HES5: variants seen among roughly 807,000 people sequenced by gnomAD.
HES5 encodes the protein hes family bHLH transcription factor 5.
HES5 carries 12 observed loss-of-function variants against 9.6 expected under a neutral mutation model. The ratio of observed to expected loss-of-function variants is 1.25; its 90% CI spans 0.80 to 2.03. The LOEUF (loss-of-function observed/expected upper bound fraction) is 2.03. HES5 is among the 30% of genes most tolerant of loss of function. The probability of loss-of-function intolerance (pLI) is 0.00; values close to 1 mark genes in which losing one functional copy is unlikely to be tolerated. For synonymous variants in HES5, 131 were observed against 102.4 expected, an observed-to-expected ratio of 1.28 and a Z score of -1.69; for missense variants, 255 against 218.6, an observed-to-expected ratio of 1.17 and a Z score of -1.05.
intron 1 of HES5, 38 bp from the exon 2 acceptor site, chr1:2,530,049 C>T (rs771466596): frequency 2.6e-5 from 42 of 1,602,064 alleles, no homozygotes; most frequent in Non-Finnish European, 3.6e-5. Flanking sequence ...CCCGGCACGG[C>T]GCAGGGACCC....
Position 2,529,562 on chromosome 1 carries a change from C to A in HES5, c.408G>T (p.Pro136=). 9.2e-7 allele frequency: 1 copy of A among 1,091,758 alleles called. No homozygotes were observed. Among genetic ancestry groups the A allele is most frequent in the Non-Finnish European group, 1.1e-6 (1 of 893,706 alleles). The allele number at this position is 1,091,758 out of a possible 1,614,324, so 67.6% of individuals were successfully genotyped here. The part of the protein sequence containing the change: ...PAAPAKEPKA[P]GAAPPPALSA... ...AGAGCGCGGGCGGGGGCGCGGCGCC[C>A]GGCGCCTTGGGCTCCTTGGCGGGCG... Residue 136 remains proline, a synonymous_variant, in exon 3 of 3, where the codon CCG becomes CCT. Coordinates refer to ENST00000378453, the MANE Select transcript of HES5 (RefSeq NM_001010926.4). The surrounding 1 kb of genome is among the most constrained non-coding windows in gnomAD (Gnocchi z 4.5).
In HES5 at chr1:2,529,582, C is replaced by A. The variant is rs1483311413; in HGVS notation, c.388G>T (p.Ala130Ser). 3.5e-6 allele frequency: 4 copies of A among 1,147,280 alleles called. No individual in the cohort carries two copies. Among genetic ancestry groups the A allele is most frequent in the Admixed American group, 4.6e-5 (1 of 21,584 alleles). 71.1% of individuals were successfully genotyped at this position (1,147,280 alleles called of 1,614,324 possible). The part of the protein sequence containing the change: ...QRPPAAPAAP[A>S]KEPKAPGAAP... Reference sequence around the variant, plus strand: ...GCGCCCGGCGCCTTGGGCTCCTTGGCGGGCGCGGCGGGCGCGGCCGGGGGC... The same window carrying A: ...GCGCCCGGCGCCTTGGGCTCCTTGGAGGGCGCGGCGGGCGCGGCCGGGGGC... The change falls in exon 3 of 3, where the codon GCC becomes TCC. Residue 130 changes from alanine to serine, a missense_variant. Coordinates refer to ENST00000378453, the MANE Select transcript of HES5 (RefSeq NM_001010926.4). This position sits in a 1 kb window ranked among gnomAD's most constrained non-coding sequence, Gnocchi z 4.5.
chr1:2,529,589 G>T lies in HES5; in HGVS notation c.381C>A (p.Ala127=). Residue 127 remains alanine, a synonymous_variant, in exon 3 of 3, where the codon GCC becomes GCA. Transcript: ENST00000378453. This position sits in a 1 kb window ranked among gnomAD's most constrained non-coding sequence, Gnocchi z 4.5. ...GCGCCTTGGGCTCCTTGGCGGGCGCGGCGGGCGCGGCCGGGGGCCGCTGGA... is the reference window on the plus strand; with the variant it reads ...GCGCCTTGGGCTCCTTGGCGGGCGCTGCGGGCGCGGCCGGGGGCCGCTGGA... ...YHFQRPPAAP[A]APAKEPKAPG... is the part of the protein sequence containing the mutation. The T allele has an allele frequency of 8.6e-7, 1 of 1,168,072 alleles. No individual in the cohort carries two copies. Among genetic ancestry groups the T allele is most frequent in the Non-Finnish European group, 1.1e-6 (1 of 941,880 alleles). 72.4% of individuals were successfully genotyped at this position (1,168,072 alleles called of 1,614,324 possible). A position where few individuals can be genotyped will look rare whatever the true frequency, so the allele number is the denominator to read the frequency against.
In HES5 at chr1:2,529,659, G is replaced by A. The variant is rs1178103718; in HGVS notation, c.311C>T (p.Thr104Met). The change falls in exon 3 of 3, where the codon ACG (threonine) becomes ATG (methionine). Residue 104 changes from threonine (T) to methionine (M), a missense_variant. Thr to Met is a moderately conservative substitution (Grantham distance 81, BLOSUM62 -1). Transcript: ENST00000378453. This position sits in a 1 kb window ranked among gnomAD's most constrained non-coding sequence, Gnocchi z 4.5. ...CTGCGTGTCGCTGGCGGCGTGGAGC[G>A]TCAGGAACTGCACGGCCTCCTGCAG... is the stretch of plus-strand genomic sequence containing the variant. ...WCLQEAVQFL[T>M]LHAASDTQMK... 6.8e-6 allele frequency: 9 copies of A among 1,324,260 alleles called. No individual in the cohort carries two copies. Among genetic ancestry groups the A allele is most frequent in the Non-Finnish European group, 8.8e-6 (9 of 1,018,776 alleles). 82.0% of individuals were successfully genotyped at this position (1,324,260 alleles called of 1,614,324 possible).
In HES5 at chr1:2,529,986, A is replaced by G. The variant is rs1234649558; in HGVS notation, c.80T>C (p.Met27Thr). 2.5e-6 allele frequency: 4 copies of G among 1,607,596 alleles called. No individual in the cohort carries two copies. Among genetic ancestry groups the G allele is most frequent in the Non-Finnish European group, 3.4e-6 (4 of 1,176,724 alleles). ...GCTGCTGTTGATGCGGTCGCGGCGC[A>G]TCTTCTCCACCACCGGCTTCCGCAG... The part of the protein sequence containing the change: ...NRLRKPVVEK[M>T]RRDRINSSIE... Residue 27 changes from methionine (M) to threonine (T), a missense_variant, in exon 2 of 3, where the codon ATG becomes ACG. Physicochemically the swap from Met to Thr is moderately conservative, Grantham distance 81. Transcript: ENST00000378453. The surrounding 1 kb of genome is among the most constrained non-coding windows in gnomAD (Gnocchi z 4.5).
Position 2,529,812 on chromosome 1 carries a change from GA to G in HES5, c.220+33del, listed in dbSNP as rs750182674. On this transcript the variant is annotated intron_variant, in intron 2 of 2. Transcript: ENST00000378453. This position sits in a 1 kb window ranked among gnomAD's most constrained non-coding sequence, Gnocchi z 4.5. ...GCGCGGGGGAGCCGGGGCGCGGTGG[GA>G]ACTCGGGGCGCGGGGGGCCCGGGCG... 7 of 1,357,150 alleles carry G rather than the reference GA, an allele frequency of 5.2e-6. No individual in the cohort carries two copies. Among genetic ancestry groups the G allele is most frequent in the Non-Finnish European group, 3.8e-6 (4 of 1,039,528 alleles). The allele number at this position is 1,357,150 out of a possible 1,614,324, so 84.1% of individuals were successfully genotyped here.
chr1:2,530,078 G>A (rs750347189), intron 1 of HES5, 33 bp downstream of exon 1: 11 of 1,596,574 alleles, frequency 6.9e-6, no homozygotes, highest in Non-Finnish European at 8.5e-6. Context: ...CGGAGGCCGC[G>A]GGGACAGCGC....
chr1:2,529,260 G>C lies in HES5; in HGVS notation c.*209C>G, dbSNP rs1007904113. 3.8e-6 allele frequency: 1 copy of C among 259,874 alleles called. No individual in the cohort carries two copies. The highest frequency in any genetic ancestry group is 6.1e-6 in the Non-Finnish European group (1 of 163,994). The allele number at this position is 259,874 out of a possible 1,614,324, so 16.1% of individuals were successfully genotyped here. On this transcript the variant is annotated 3_prime_UTR_variant, in exon 3 of 3. Coordinates refer to ENST00000378453, the MANE Select transcript of HES5 (RefSeq NM_001010926.4). The surrounding 1 kb of genome is among the most constrained non-coding windows in gnomAD (Gnocchi z 4.5). ...GGGTCAGACACTTGGCAGAAGATGG[G>C]CCCTGATTGTCCTAAAACGGCAGGG...
In HES5 at chr1:2,530,045, A is replaced by C. The variant is rs772319980; in HGVS notation, c.55-34T>G. On this transcript the variant is annotated intron_variant, in intron 1 of 2. Transcript: ENST00000378453. ...GGAGGGGGTGTCAGGCTGGCCCGGC[A>C]CGGCGCAGGGACCCCCGAGGACCGG... The C allele has an allele frequency of 1.1e-4, 172 of 1,602,194 alleles. 6 individuals carry two copies. The South Asian group carries it at 1.9e-3, about 17-fold the overall frequency.
chr1:2,529,598 G>T lies in HES5; in HGVS notation c.372C>A (p.Ala124=). ...KLLYHFQRPP[A]APAAPAKEPK... is the part of the protein sequence containing the mutation. ...GCTCCTTGGCGGGCGCGGCGGGCGC[G>T]GCCGGGGGCCGCTGGAAGTGGTACA... Residue 124 remains alanine, a synonymous_variant, in exon 3 of 3, where the codon GCC becomes GCA. Coordinates refer to ENST00000378453, the MANE Select transcript of HES5 (RefSeq NM_001010926.4). The surrounding 1 kb of genome is among the most constrained non-coding windows in gnomAD (Gnocchi z 4.5). The T allele has an allele frequency of 1.7e-6, 2 of 1,184,130 alleles. No homozygotes were observed. Among genetic ancestry groups the T allele is most frequent in the Non-Finnish European group, 2.1e-6 (2 of 948,766 alleles). 73.4% of individuals were successfully genotyped at this position (1,184,130 alleles called of 1,614,324 possible).
At position 2,530,170 on chromosome 1, in the gene HES5, G is replaced by GC. The variant is rs1407643034; in HGVS notation, c.-7dup. On this transcript the variant is annotated 5_prime_UTR_variant, in exon 1 of 3. Transcript: ENST00000378453. ...GCCACAGTGCTGGGGGCCATGCCTG[G>GC]CGCGGAACAGGCGACGAGGCGACGC... 8.0e-6 allele frequency: 12 copies of GC among 1,499,090 alleles called. No individual in the cohort carries two copies. Among genetic ancestry groups the GC allele is most frequent in the Non-Finnish European group, 1.1e-5 (12 of 1,121,214 alleles). The allele number at this position is 1,499,090 out of a possible 1,614,324, so 92.9% of individuals were successfully genotyped here. A position where few individuals can be genotyped will look rare whatever the true frequency, so the allele number is the denominator to read the frequency against.
chr1:2,529,570 T>G lies in HES5; in HGVS notation c.400A>C (p.Lys134Gln). The G allele has an allele frequency of 8.9e-7, 1 of 1,125,896 alleles. No homozygotes were observed. Among genetic ancestry groups the G allele is most frequent in the Non-Finnish European group, 1.1e-6 (1 of 913,334 alleles). The allele number at this position is 1,125,896 out of a possible 1,614,324, so 69.7% of individuals were successfully genotyped here. A position where few individuals can be genotyped will look rare whatever the true frequency, so the allele number is the denominator to read the frequency against. ...AAPAAPAKEPKAPGAAPPPAL... is the reference protein window; with the variant it reads ...AAPAAPAKEPQAPGAAPPPAL... ...GGCGGGGGCGCGGCGCCCGGCGCCT[T>G]GGGCTCCTTGGCGGGCGCGGCGGGC... The change falls in exon 3 of 3, where the codon AAG becomes CAG. Residue 134 changes from lysine to glutamine, a missense_variant. Coordinates refer to ENST00000378453, the MANE Select transcript of HES5 (RefSeq NM_001010926.4). This position sits in a 1 kb window ranked among gnomAD's most constrained non-coding sequence, Gnocchi z 4.5.
intron 1 of HES5, 26 bp from the exon 2 acceptor site, chr1:2,530,037 G>A (rs781052121): frequency 4.4e-6 from 7 of 1,602,810 alleles, no homozygotes; most frequent in Non-Finnish European, 6.0e-6. Context: ...GTGTCAGGCT[G>A]GCCCGGCACG....
At position 2,530,095 on chromosome 1, in the gene HES5, C is replaced by A; in HGVS notation, c.54+16G>T. The A allele has an allele frequency of 4.4e-6, 7 of 1,588,326 alleles. No individual in the cohort carries two copies. The highest frequency in any genetic ancestry group is 6.0e-6 in the Non-Finnish European group (7 of 1,168,008). On this transcript the variant is annotated intron_variant, in intron 1 of 2. Transcript: ENST00000378453. The stretch of plus-strand genomic sequence containing the variant: ...GAGGCCGCGGGGACAGCGCGCCGGG[C>A]GAGTCTGGTACTTACTCGGTTTTTC...
chr1:2,530,139 TCCACGG>T lies in HES5; in HGVS notation c.20_25del (p.Ala7_Val8del), dbSNP rs1643988197. The T allele has an allele frequency of 6.5e-7, 1 of 1,548,260 alleles. No homozygotes were observed. The highest frequency in any genetic ancestry group is 8.7e-7 in the Non-Finnish European group (1 of 1,146,876). Reference sequence around the variant, plus strand: ...GTTTTTCTCTTTGGGGCTGAGCAGCTCCACGGCCACAGTGCTGGGGGCCATGCCTGG... The same window carrying T: ...GTTTTTCTCTTTGGGGCTGAGCAGCTCCACAGTGCTGGGGGCCATGCCTGG... On this transcript the variant is annotated inframe_deletion, in exon 1 of 3. Transcript: ENST00000378453.
chr1:2,529,457 G>A lies in HES5; in HGVS notation c.*12C>T, dbSNP rs147067875. 3,002 of 1,063,358 alleles carry A rather than the reference G, an allele frequency of 2.8e-3. 41 individuals are homozygous for A. The African/African-American group carries it at 0.033, about 12-fold the overall frequency. The allele number at this position is 1,063,358 out of a possible 1,614,324, so 65.9% of individuals were successfully genotyped here. ...CTGGTCGTCGGGCCGCGCGCCCGCA[G>A]GTCCCGCCGGGTCACCAGGGCCGCC... On this transcript the variant is annotated 3_prime_UTR_variant, in exon 3 of 3. Transcript: ENST00000378453. This position sits in a 1 kb window ranked among gnomAD's most constrained non-coding sequence, Gnocchi z 4.5.
rs766361388 is a variant in HES5 at position 2,530,205 on chromosome 1, G to C, written c.-41C>G. 6.3e-6 allele frequency: 9 copies of C among 1,436,826 alleles called. No individual in the cohort carries two copies. Among genetic ancestry groups the C allele is most frequent in the African/African-American group, 1.5e-5 (1 of 67,448 alleles). 89.0% of individuals were successfully genotyped at this position (1,436,826 alleles called of 1,614,324 possible). On this transcript the variant is annotated 5_prime_UTR_variant, in exon 1 of 3. Coordinates refer to ENST00000378453, the MANE Select transcript of HES5 (RefSeq NM_001010926.4). ...GGCGACGAGGCGACGCGGGGAGGCC[G>C]GGCGAGACGAGGCGAGCGGGCGCGG... is the stretch of plus-strand genomic sequence containing the variant.
Position 2,529,840 on chromosome 1 carries a change from G to A in HES5, c.220+6C>T, listed in dbSNP as rs200648986. 174 of 1,466,978 alleles carry A rather than the reference G, an allele frequency of 1.2e-4. No homozygotes were observed. The African/African-American group carries it at 2.1e-3, about 18-fold the overall frequency. 90.9% of individuals were successfully genotyped at this position (1,466,978 alleles called of 1,614,324 possible). A position where few individuals can be genotyped will look rare whatever the true frequency, so the allele number is the denominator to read the frequency against. On this transcript the variant is annotated splice_donor_region_variant and intron_variant, in intron 2 of 2. Transcript: ENST00000378453. The surrounding 1 kb of genome is among the most constrained non-coding windows in gnomAD (Gnocchi z 4.5). The stretch of plus-strand genomic sequence containing the variant: ...CTCGGGGCGCGGGGGGCCCGGGCGC[G>A]CTCACCTTTGCTGTGCTTCAGGTAG...
rs1171602558 is a variant in HES5, at chr1:2,529,563, G to C, written c.407C>G (p.Pro136Arg). 1 of 1,093,172 alleles carries C rather than the reference G, an allele frequency of 9.1e-7. No homozygotes were observed. The highest frequency in any genetic ancestry group is 1.1e-6 in the Non-Finnish European group (1 of 894,306). 67.7% of individuals were successfully genotyped at this position (1,093,172 alleles called of 1,614,324 possible). ...PAAPAKEPKA[P>R]GAAPPPALSA... is the part of the protein sequence containing the mutation. ...GAGCGCGGGCGGGGGCGCGGCGCCC[G>C]GCGCCTTGGGCTCCTTGGCGGGCGC... is the stretch of plus-strand genomic sequence containing the variant. The change falls in exon 3 of 3, where the codon CCG becomes CGG. Residue 136 changes from proline to arginine, a missense_variant. Coordinates refer to ENST00000378453, the MANE Select transcript of HES5 (RefSeq NM_001010926.4). This position sits in a 1 kb window ranked among gnomAD's most constrained non-coding sequence, Gnocchi z 4.5.
Sources: gnomAD v4.1 joint callset for allele counts on GRCh38, gnomAD v4.1.1 for gene constraint, Gnocchi (gnomAD v3.1) non-coding constraint, MANE v1.5 for transcripts, NCBI Gene and HGNC (gene_info 2026-07-23, HGNC 2026-07-21) for gene names.